Variants in LYPLAL1 observed in about 807,000 individuals in gnomAD.
The protein encoded by LYPLAL1 is lysophospholipase like 1.
LYPLAL1 carries 23 observed loss-of-function variants against 19.7 expected under a neutral mutation model. The ratio of observed to expected loss-of-function variants is 1.17; its 90% confidence interval spans 0.84 to 1.65. The LOEUF (loss-of-function observed/expected upper bound fraction) is 1.65. Among genes scored for constraint, LYPLAL1 ranks in the 40% most tolerant of loss-of-function variants. LYPLAL1 has a pLI of 0.00. For missense variants in LYPLAL1, 355 were observed against 279.4 expected, an observed-to-expected ratio of 1.27 and a Z score of -1.93; for synonymous variants, 119 against 96.3, an observed-to-expected ratio of 1.24 and a Z score of -1.38.
chr1:219,368,183 A>G, the LYPLAL1 span, among the ~76,000 whole-genome samples: 1 of 152,210 alleles, frequency 6.6e-6, no homozygotes, highest in African/African-American at 2.4e-5. Flanking sequence ...CTTGGAATGC[A>G]TAATTCAGGG....
chr1:219,196,622 A>C (rs546988006), intron 3 of LYPLAL1, among the ~76,000 whole-genome samples: 1 of 152,138 alleles, frequency 6.6e-6, no homozygotes, highest in Non-Finnish European at 1.5e-5. Context: ...CTTCTATTCA[A>C]CATAGTATTG....
chr1:219,217,392 G>GTGTGTGTGTGTC (rs1378006981), downstream of LYPLAL1, among the ~76,000 whole-genome samples: 16 of 135,236 alleles, frequency 1.2e-4, no homozygotes, highest in African/African-American at 3.9e-4. Context: ...GTGTGTGTGT[G>GTGTGTGTGTGTC]TGTGTGTGTG....
the LYPLAL1 span, among the ~76,000 whole-genome samples, chr1:219,412,167 G>GC: frequency 6.6e-6 from 1 of 152,030 alleles, no homozygotes; most frequent in South Asian, 2.1e-4. Flanking sequence ...TCTTGTCTCA[G>GC]CCCCCCAACA....
At chr1:219,263,884 T>G in the LYPLAL1 span, among the ~76,000 whole-genome samples, 2 of 152,160 alleles carry the variant, frequency 1.3e-5, no homozygotes, top group Admixed American at 6.5e-5. Flanking sequence ...TTTGGCTATC[T>G]CATGGAGTTT....
At chr1:219,271,453 G>C in the LYPLAL1 span, 2 of 150,244 alleles carry the variant, frequency 1.3e-5, no homozygotes, top group African/African-American at 4.9e-5. Context: ...GACCGGCTCC[G>C]TGAGTTTAAA....
At chr1:219,377,371 A>C in the LYPLAL1 span, among the ~76,000 whole-genome samples, 6 of 152,310 alleles carry the variant, frequency 3.9e-5, no homozygotes, top group Non-Finnish European at 8.8e-5. Flanking sequence ...ATGGGTATAG[A>C]GTTTCAGTTT....
chr1:219,240,319 A>G, the LYPLAL1 span, among the ~76,000 whole-genome samples: 2 of 152,244 alleles, frequency 1.3e-5, no homozygotes, highest in Non-Finnish European at 2.9e-5. Context: ...AAAAATCTTT[A>G]GAATTCTCAG....
chr1:219,382,649 A>G, the LYPLAL1 span, among the ~76,000 whole-genome samples: 3 of 152,110 alleles, frequency 2.0e-5, no homozygotes, highest in Non-Finnish European at 4.4e-5. Context: ...GGCATGAGCC[A>G]CTGCACCCAG....
chr1:219,306,576 A>G, the LYPLAL1 span, among the ~76,000 whole-genome samples: 4 of 152,028 alleles, frequency 2.6e-5, no homozygotes, highest in Non-Finnish European at 4.4e-5. Context: ...GAAGGAAAGC[A>G]CTGGCTCTTC....
At chr1:219,369,552 G>A in the LYPLAL1 span, among the ~76,000 whole-genome samples, 10,361 of 152,284 alleles carry the variant, frequency 0.068, 501 homozygotes, top group South Asian at 0.14. Context: ...GATTATGGGC[G>A]TGAGCCACTG....
At chr1:219,207,295 T>G (rs1658651986) in intron 3 of LYPLAL1, among the ~76,000 whole-genome samples, 1 of 152,094 alleles carries the variant, frequency 6.6e-6, no homozygotes, top group Non-Finnish European at 1.5e-5. Context: ...GCTGTGATTC[T>G]CAGACATCTG....
chr1:219,221,680 T>C, the LYPLAL1 span, among the ~76,000 whole-genome samples: 2 of 152,200 alleles, frequency 1.3e-5, no homozygotes, highest in Non-Finnish European at 2.9e-5. Context: ...CCACCTTCCT[T>C]TGCCAGAGGC....
At chr1:219,402,678 A>G in the LYPLAL1 span, among the ~76,000 whole-genome samples, 1 of 151,960 alleles carries the variant, frequency 6.6e-6, no homozygotes, top group African/African-American at 2.4e-5. Flanking sequence ...AAAAATTGCA[A>G]TTTTTTATTG....
chr1:219,347,627 G>C, the LYPLAL1 span, among the ~76,000 whole-genome samples: 1 of 152,198 alleles, frequency 6.6e-6, no homozygotes, highest in Admixed American at 6.5e-5. Flanking sequence ...AATAGATGCT[G>C]TGATCTACAA....
the LYPLAL1 span, among the ~76,000 whole-genome samples, chr1:219,348,021 G>A: frequency 2.0e-5 from 3 of 152,152 alleles, no homozygotes; most frequent in African/African-American, 7.2e-5. Flanking sequence ...GGGCCATGTG[G>A]GTCTCCAAAT....
the LYPLAL1 span, among the ~76,000 whole-genome samples, chr1:219,219,995 A>G: frequency 3.9e-5 from 6 of 152,098 alleles, no homozygotes; most frequent in Non-Finnish European, 7.4e-5. Flanking sequence ...GAAGATAGCA[A>G]TGATTAAAGT....
the LYPLAL1 span, among the ~76,000 whole-genome samples, chr1:219,315,656 C>T: frequency 6.6e-6 from 1 of 152,260 alleles, no homozygotes; most frequent in East Asian, 1.9e-4. Context: ...GTTCACCAAC[C>T]CACCTCCAAT....
the LYPLAL1 span, chr1:219,412,001 A>T: frequency 6.6e-6 from 1 of 152,512 alleles, no homozygotes; most frequent in Non-Finnish European, 1.5e-5. Context: ...GCTTAGGAGA[A>T]GTATTGTGTA....
At chr1:219,186,833 T>G (rs2125047832) in intron 2 of LYPLAL1, among the ~76,000 whole-genome samples, 1 of 151,964 alleles carries the variant, frequency 6.6e-6, no homozygotes, top group African/African-American at 2.4e-5. Flanking sequence ...TCTAAGTGAT[T>G]TGTTTAAGCA....
Sources: allele counts gnomAD v4.1 joint callset (sites outside exome capture counted in the v4.1 genomes callset), GRCh38; gene constraint gnomAD v4.1.1; transcripts MANE v1.5; gene names NCBI Gene and HGNC (gene_info 2026-07-23, HGNC 2026-07-21).